The following SLC60A1 variants were observed in gnomAD, a reference collection of about 807,000 sequenced individuals.
The protein encoded by SLC60A1 is major facilitator superfamily domain containing 4.
the SLC60A1 span, among the ~76,000 whole-genome samples, chr1:205,597,181 CCAGG>C: frequency 6.6e-6 from 1 of 152,110 alleles, no homozygotes; most frequent in Non-Finnish European, 1.5e-5. Context: ...GCGCTGAATG[CCAGG>C]GCTAAGCAAG....
the SLC60A1 span, chr1:205,599,250 A>C: frequency 6.2e-7 from 1 of 1,613,850 alleles, no homozygotes; most frequent in African/African-American, 1.3e-5. Flanking sequence ...GACTCCCATC[A>C]GGTAAGGAAA....
At chr1:205,582,931 G>A in the SLC60A1 span, among the ~76,000 whole-genome samples, 1 of 152,160 alleles carries the variant, frequency 6.6e-6, no homozygotes, top group Non-Finnish European at 1.5e-5. Context: ...CACCAGGCAG[G>A]GGCTGGCAGT....
At chr1:205,578,816 C>A in the SLC60A1 span, among the ~76,000 whole-genome samples, 1 of 152,178 alleles carries the variant, frequency 6.6e-6, no homozygotes, top group Non-Finnish European at 1.5e-5. Flanking sequence ...TTTTCATAAT[C>A]TGAGAAAGTT....
the SLC60A1 span, chr1:205,592,330 G>GGGC: frequency 1.9e-6 from 3 of 1,561,362 alleles, no homozygotes; most frequent in South Asian, 3.5e-5. Flanking sequence ...CTATCTAGCT[G>GGGC]GGCGCCGCCG....
chr1:205,602,149 C>T, the SLC60A1 span: 54 of 152,198 alleles, frequency 3.5e-4, no homozygotes, highest in Non-Finnish European at 6.9e-4. Flanking sequence ...ATGGTTTTGC[C>T]TGCACTTTCT....
At chr1:205,586,013 C>T in the SLC60A1 span, 2 of 1,564,342 alleles carry the variant, frequency 1.3e-6, no homozygotes, top group Non-Finnish European at 8.6e-7. Flanking sequence ...GTGTGCTCAA[C>T]AGCGCCCGGT....
chr1:205,579,931 CTCGGCCG>C, the SLC60A1 span: 1 of 1,613,378 alleles, frequency 6.2e-7, no homozygotes, highest in East Asian at 2.2e-5. Context: ...ACCAGAAGGA[CTCGGCCG>C]TCTTCCTCCA....
At chr1:205,592,365 GCTCTTTT>G in the SLC60A1 span, 1 of 1,042,320 alleles carries the variant, frequency 9.6e-7, no homozygotes, top group Non-Finnish European at 1.3e-6. Context: ...GTCTCTCTGT[GCTCTTTT>G]TTTTTTTTTT....
At chr1:205,573,962 G>T in the SLC60A1 span, among the ~76,000 whole-genome samples, 1 of 152,026 alleles carries the variant, frequency 6.6e-6, no homozygotes, top group Non-Finnish European at 1.5e-5. Context: ...CTCCCAAAGT[G>T]CTGGGATTAC....
the SLC60A1 span, among the ~76,000 whole-genome samples, chr1:205,594,175 T>C: frequency 6.6e-6 from 1 of 152,206 alleles, no homozygotes; most frequent in South Asian, 2.1e-4. Flanking sequence ...CTGCAGCTTG[T>C]CCTAACAACA....
At chr1:205,579,991 G>T in the SLC60A1 span, 1 of 1,581,126 alleles carries the variant, frequency 6.3e-7, no homozygotes, top group Non-Finnish European at 8.6e-7. Flanking sequence ...GCTGGGGAGG[G>T]CATGGGAGCT....
the SLC60A1 span, chr1:205,584,959 G>T: frequency 6.2e-7 from 1 of 1,613,998 alleles, no homozygotes; most frequent in Admixed American, 1.7e-5. Context: ...CATCACGGGC[G>T]CCCTGGTACT....
chr1:205,597,955 G>A, the SLC60A1 span: 2 of 1,228,948 alleles, frequency 1.6e-6, no homozygotes, highest in South Asian at 1.2e-5. Context: ...TCCCTTTCCT[G>A]AGTCTCCAGC....
At chr1:205,573,198 G>T in the SLC60A1 span, among the ~76,000 whole-genome samples, 1 of 151,984 alleles carries the variant, frequency 6.6e-6, no homozygotes, top group Non-Finnish European at 1.5e-5. Flanking sequence ...ATCACCTGAG[G>T]TCAGGAGTCC....
chr1:205,600,396 T>C, the SLC60A1 span: 1 of 1,613,884 alleles, frequency 6.2e-7, no homozygotes, highest in South Asian at 1.1e-5. Context: ...GTTTTGTTTT[T>C]CTTTTGTAGT....
At chr1:205,592,450 G>A in the SLC60A1 span, among the ~76,000 whole-genome samples, 4 of 151,380 alleles carry the variant, frequency 2.6e-5, no homozygotes, top group Middle Eastern at 3.4e-3. Context: ...TGTTACATAT[G>A]TATACATGTG....
chr1:205,574,292 T>G, the SLC60A1 span, among the ~76,000 whole-genome samples: 1 of 151,720 alleles, frequency 6.6e-6, no homozygotes, highest in African/African-American at 2.4e-5. Flanking sequence ...AAAAAAATTT[T>G]AAATTAGCTG....
chr1:205,602,916 TTA>T, the SLC60A1 span: 1 of 152,278 alleles, frequency 6.6e-6, no homozygotes. Context: ...ATATTTAAAC[TTA>T]TTAAGTGTGT....
At chr1:205,585,038 C>G in the SLC60A1 span, 1 of 1,490,930 alleles carries the variant, frequency 6.7e-7, no homozygotes, top group South Asian at 1.1e-5. This position sits in a 1 kb window ranked among gnomAD's most constrained non-coding sequence, Gnocchi z 4.2. Context: ...CCCTTCACCC[C>G]CAGACTCCAG....
Sources: allele counts gnomAD v4.1 joint callset (sites outside exome capture counted in the v4.1 genomes callset), GRCh38; gene constraint gnomAD v4.1.1; non-coding constraint Gnocchi (gnomAD v3.1); transcripts MANE v1.5; gene names NCBI Gene and HGNC (gene_info 2026-07-23, HGNC 2026-07-21).